The following CDON variants were observed in gnomAD, a reference collection of about 807,000 sequenced individuals.
CDON encodes cell adhesion molecule-related/down-regulated by oncogenes.
CDON carries 73 observed loss-of-function variants against 120.9 expected under a neutral mutation model. The ratio of observed to expected loss-of-function variants is 0.60; its 90% confidence interval spans 0.50 to 0.73. CDON has a LOEUF of 0.73. Ranked by LOEUF, CDON falls within the 30% of genes least tolerant of loss-of-function variation. The pLI is 0.00. For synonymous variants in CDON, 566 were observed against 573.5 expected (o/e 0.99, Z 0.19); for missense variants, 1,470 against 1,587.3 (o/e 0.93, Z 1.26).
intron 18 of CDON, among the ~76,000 whole-genome samples, chr11:125,967,720 T>C (rs1397442646): frequency 1.3e-5 from 2 of 152,180 alleles, no homozygotes; most frequent in East Asian, 1.9e-4. Flanking sequence ...CACTGCACCG[T>C]TGACCTCCCT....
intron 16 of CDON, among the ~76,000 whole-genome samples, chr11:125,982,254 G>A (rs1044500192): frequency 4.6e-5 from 7 of 152,128 alleles, no homozygotes; most frequent in African/African-American, 1.4e-4. Context: ...GATTACAGGC[G>A]TGAGCCACTC....
intron 18 of CDON, among the ~76,000 whole-genome samples, chr11:125,969,738 C>T (rs1437511862): frequency 1.3e-5 from 2 of 152,096 alleles, no homozygotes; most frequent in African/African-American, 2.4e-5. Flanking sequence ...TACTAAGATA[C>T]CTTTTAGTAA....
intron 14 of CDON, among the ~76,000 whole-genome samples, chr11:125,993,751 G>A (rs1946699184): frequency 6.6e-6 from 1 of 152,200 alleles, no homozygotes. Flanking sequence ...AGCCAGGTCA[G>A]GTGGGGCCTT....
chr11:125,972,221 T>C (rs1591550917), intron 18 of CDON, among the ~76,000 whole-genome samples: 1 of 150,172 alleles, frequency 6.7e-6, no homozygotes, highest in South Asian at 2.2e-4. Context: ...AGGCCAGGAG[T>C]GCGAGACCAG....
intron 17 of CDON, among the ~76,000 whole-genome samples, chr11:125,979,685 G>A (rs1394043156): frequency 6.6e-6 from 1 of 152,114 alleles, no homozygotes; most frequent in Non-Finnish European, 1.5e-5. Flanking sequence ...GCGAACATGG[G>A]CCTTATGTTT....
intron 1 of CDON, among the ~76,000 whole-genome samples, chr11:126,024,451 C>G (rs73021218): frequency 1.3e-5 from 2 of 152,150 alleles, no homozygotes; most frequent in African/African-American, 4.8e-5. Flanking sequence ...GTCGACCCAA[C>G]AGGACATGTC....
At chr11:126,014,986 G>T in intron 7 of CDON, 2 of 501,238 alleles carry the variant, frequency 4.0e-6, no homozygotes, top group Non-Finnish European at 7.2e-6. Flanking sequence ...GAGAGAGATT[G>T]TACCATATAG....
At chr11:126,030,058 T>G (rs1190203752) in intron 1 of CDON, among the ~76,000 whole-genome samples, 2 of 152,240 alleles carry the variant, frequency 1.3e-5, no homozygotes, top group Non-Finnish European at 2.9e-5. Context: ...TGGTGTTTCC[T>G]AAGTTATAAG....
At chr11:125,972,784 A>G (rs1481904766) in intron 18 of CDON, among the ~76,000 whole-genome samples, 1 of 152,174 alleles carries the variant, frequency 6.6e-6, no homozygotes, top group Admixed American at 6.5e-5. Flanking sequence ...AGCAGGTAAG[A>G]GTCCGTACGG....
intron 1 of CDON, among the ~76,000 whole-genome samples, chr11:126,037,600 A>G (rs1315916097): frequency 6.6e-6 from 1 of 152,180 alleles, no homozygotes; most frequent in Non-Finnish European, 1.5e-5. Flanking sequence ...AAAACACTCA[A>G]TCTCTGACAT....
intron 2 of CDON, 79 bp from the exon 3 acceptor site, chr11:126,021,599 T>G: frequency 8.2e-7 from 1 of 1,226,200 alleles, no homozygotes; most frequent in South Asian, 1.3e-5. Flanking sequence ...TTAAACACAT[T>G]TCATCTGTAT....
chr11:126,010,800 A>G, intron 7 of CDON, 106 bp from the exon 8 acceptor site: 1 of 850,904 alleles, frequency 1.2e-6, no homozygotes, highest in Non-Finnish European at 1.9e-6. Context: ...GATTAAAACC[A>G]AGATAGCTAC....
intron 2 of CDON, among the ~76,000 whole-genome samples, chr11:126,022,101 CAAA>C (rs56788784): frequency 1.8e-5 from 1 of 56,554 alleles, no homozygotes. Flanking sequence ...GACCCTGCTT[CAAA>C]AAAAAAAAAA....
At chr11:125,988,180 A>G (rs530553271) in intron 15 of CDON, among the ~76,000 whole-genome samples, 1 of 152,180 alleles carries the variant, frequency 6.6e-6, no homozygotes, top group East Asian at 1.9e-4. Context: ...GTGGGGCTGA[A>G]TTGTGGCTAA....
chr11:125,996,161 AACACACACACACACACACACAC>A (rs35536827), intron 12 of CDON, among the ~76,000 whole-genome samples: 13 of 145,934 alleles, frequency 8.9e-5, no homozygotes, highest in African/African-American at 2.3e-4. Flanking sequence ...GTCACAGCAA[AACACACACACACACACACACAC>A]ACACACACAC....
rs771200612 is a variant in CDON, at chr11:125,989,659, A to T, written c.2751T>A (p.Asn917Lys). 1 of 1,613,580 alleles carries T rather than the reference A, an allele frequency of 6.2e-7. No individual in the cohort carries two copies. The highest frequency in any genetic ancestry group is 8.5e-7 in the Non-Finnish European group (1 of 1,179,604). The change falls in exon 15 of 20, where the codon AAT becomes AAA. Residue 917 changes from asparagine to lysine, a missense_variant. By Grantham distance (94) the Asn-to-Lys change is moderately conservative. Transcript: ENST00000531738. The stretch of plus-strand genomic sequence containing the variant: ...TACCTTTAGTCTCGCAGATCATCAC[A>T]TTGCTAAATTCACTTTCTCCTCCTT... Reference protein sequence around the residue: ...FNEGGESEFSNVMICETKVKR... With the variant: ...FNEGGESEFSKVMICETKVKR...
rs1251158738 is a variant in CDON, at chr11:125,957,614, T to C, written c.*3328A>G. 3 of 152,210 alleles carry C rather than the reference T, an allele frequency of 2.0e-5. No individual in the cohort carries two copies. Among genetic ancestry groups the C allele is most frequent in the African/African-American group, 7.2e-5 (3 of 41,450 alleles). 9.4% of individuals were successfully genotyped at this position (152,210 alleles called of 1,614,324 possible). Reference sequence around the variant, plus strand: ...TACAAAGCATGCATCTCAAAGTCATTACTTTAAAAGAGAGCAACACAGGTA... The same window carrying C: ...TACAAAGCATGCATCTCAAAGTCATCACTTTAAAAGAGAGCAACACAGGTA... On this transcript the variant is annotated 3_prime_UTR_variant, in exon 20 of 20. Coordinates refer to ENST00000531738, the MANE Select transcript of CDON (RefSeq NM_001378964.1).
chr11:126,055,700 G>C (rs1248432076), intron 1 of CDON, among the ~76,000 whole-genome samples: 2 of 152,044 alleles, frequency 1.3e-5, no homozygotes, highest in Non-Finnish European at 2.9e-5. Flanking sequence ...TTTGTTGTAG[G>C]AATGAATAAA....
intron 1 of CDON, among the ~76,000 whole-genome samples, chr11:126,030,269 AC>A (rs1327047972): frequency 2.6e-5 from 4 of 152,270 alleles, no homozygotes; most frequent in African/African-American, 7.2e-5. Context: ...TGCTTTTATA[AC>A]CCCTTTTCAA....
Sources: gnomAD v4.1 joint callset for allele counts (sites outside exome capture counted in the v4.1 genomes callset) on GRCh38, gnomAD v4.1.1 for gene constraint, MANE v1.5 for transcripts, NCBI Gene and HGNC (gene_info 2026-07-23, HGNC 2026-07-21) for gene names.